The following SLC36A1 variants were observed in gnomAD, a reference collection of about 807,000 sequenced individuals.
The protein encoded by SLC36A1 is solute carrier family 36 member 1.
SLC36A1 carries 30 observed loss-of-function variants against 47.5 expected under a neutral mutation model. The ratio of observed to expected loss-of-function variants is 0.63; its 90% CI spans 0.47 to 0.86. SLC36A1 has a LOEUF of 0.86. SLC36A1 is among the 40% of genes least tolerant of loss of function. The pLI, the probability that SLC36A1 is intolerant of heterozygous loss-of-function variation, is 0.00. For missense variants in SLC36A1, 517 were observed against 606.0 expected, an observed-to-expected ratio of 0.85 and a Z score of 1.54; for synonymous variants, 255 against 249.7, an observed-to-expected ratio of 1.02 and a Z score of -0.20.
At chr5:151,410,870 C>T in the SLC36A1 span, among the ~76,000 whole-genome samples, 1 of 144,660 alleles carries the variant, frequency 6.9e-6, no homozygotes, top group Non-Finnish European at 1.5e-5. Flanking sequence ...CTGTCCTGTG[C>T]ATTGCAGGCT....
chr5:151,505,518 A>C, the SLC36A1 span: 4 of 1,608,162 alleles, frequency 2.5e-6, no homozygotes, highest in Non-Finnish European at 3.4e-6. Context: ...GAAATAAGCC[A>C]AGTCCAGTCC....
chr5:151,537,816 T>C, the SLC36A1 span: 3 of 1,611,724 alleles, frequency 1.9e-6, no homozygotes, highest in South Asian at 3.3e-5. Flanking sequence ...CAGCTTGAAT[T>C]CATGCGCCCC....
chr5:151,457,439 A>G (rs1754729844), intron 1 of SLC36A1, among the ~76,000 whole-genome samples: 1 of 152,090 alleles, frequency 6.6e-6, no homozygotes, highest in South Asian at 2.1e-4. Context: ...TATTAATAGT[A>G]TTCCTGAGTA....
At chr5:151,360,065 A>G in the SLC36A1 span, among the ~76,000 whole-genome samples, 2 of 152,186 alleles carry the variant, frequency 1.3e-5, no homozygotes, top group Non-Finnish European at 2.9e-5. Flanking sequence ...GAATTGTTCC[A>G]TTGTATGTCA....
intron 1 of SLC36A1, among the ~76,000 whole-genome samples, chr5:151,454,156 G>T (rs1754099417): frequency 7.3e-6 from 1 of 136,318 alleles, no homozygotes; most frequent in African/African-American, 2.8e-5. Flanking sequence ...ACTCTTCTGA[G>T]TCTAAATATC....
the SLC36A1 span, among the ~76,000 whole-genome samples, chr5:151,534,970 A>AATATATATATATATATATAT: frequency 0.015 from 1,612 of 106,000 alleles, 65 homozygotes; most frequent in Middle Eastern, 0.023. Context: ...CTTCTAGGAA[A>AATATATATATATATATATAT]ATATATATAT....
chr5:151,461,892 C>T (rs2127479547), intron 2 of SLC36A1, among the ~76,000 whole-genome samples: 1 of 151,104 alleles, frequency 6.6e-6, no homozygotes, highest in African/African-American at 2.4e-5. Flanking sequence ...CTATGAGTAC[C>T]AAAATATGTT....
At chr5:151,425,122 T>C in the SLC36A1 span, among the ~76,000 whole-genome samples, 2 of 152,220 alleles carry the variant, frequency 1.3e-5, no homozygotes, top group African/African-American at 2.4e-5. Flanking sequence ...AGAGTCAACC[T>C]GTTAATGGGG....
chr5:151,554,419 G>A, the SLC36A1 span: 3 of 1,614,134 alleles, frequency 1.9e-6, no homozygotes, highest in African/African-American at 1.3e-5. Context: ...CCACACCTGT[G>A]ACCAGGTCGA....
chr5:151,542,833 A>G, the SLC36A1 span: 21 of 1,614,056 alleles, frequency 1.3e-5, no homozygotes, highest in African/African-American at 9.3e-5. Flanking sequence ...CATCACATCA[A>G]TCTGGTACAA....
At chr5:151,459,523 T>G (rs1347771775) in intron 2 of SLC36A1, among the ~76,000 whole-genome samples, 1 of 152,164 alleles carries the variant, frequency 6.6e-6, no homozygotes, top group Non-Finnish European at 1.5e-5. Context: ...AAAGAAAAAT[T>G]GAGGACTCCA....
chr5:151,525,896 G>C, the SLC36A1 span: 6 of 1,614,066 alleles, frequency 3.7e-6, no homozygotes, highest in Non-Finnish European at 5.1e-6. Context: ...GAGTAGGGGG[G>C]GCCATTCTCT....
rs1451641554 is a variant in SLC36A1 at position 151,489,004 on chromosome 5, AT to A, written c.*752del. The stretch of plus-strand genomic sequence containing the variant: ...TTTAGACTGTCTTAGATCTGGGGCT[AT>A]TACGAATCACTTCTTCTTCAGTAAA... On this transcript the variant is annotated 3_prime_UTR_variant, in exon 11 of 11. Transcript: ENST00000243389. This position sits in a 1 kb window ranked among gnomAD's most constrained non-coding sequence, Gnocchi z 4.5. 6.6e-6 allele frequency: 1 copy of A among 152,202 alleles called. No homozygotes were observed. The highest frequency in any genetic ancestry group is 2.4e-5 in the African/African-American group (1 of 41,424). 9.4% of individuals were successfully genotyped at this position (152,202 alleles called of 1,614,324 possible).
rs1440214030 is a variant in SLC36A1 at position 151,468,301 on chromosome 5, T to TA, written c.723+377dup. ...TATATATATATATATATATTTTATA[T>TA]ATATATATTTACATATATGTGTATA... On this transcript the variant is annotated intron_variant, in intron 7 of 10. Transcript: ENST00000243389. 5.7e-4 allele frequency among the ~76,000 whole-genome samples: 53 copies of TA among 93,390 alleles called. 1 individual carries two copies. The highest frequency in any genetic ancestry group is 8.0e-4 in the Non-Finnish European group (38 of 47,268). The allele number at this position is 93,390 out of a possible 152,430, so 61.3% of individuals were successfully genotyped here.
chr5:151,430,289 C>T, the SLC36A1 span, among the ~76,000 whole-genome samples: 54 of 149,728 alleles, frequency 3.6e-4, no homozygotes, highest in African/African-American at 1.3e-3. Context: ...CTCAGCCTCC[C>T]GAGTAGCTGG....
the SLC36A1 span, among the ~76,000 whole-genome samples, chr5:151,518,902 T>C: frequency 6.6e-6 from 1 of 151,882 alleles, no homozygotes; most frequent in Admixed American, 6.6e-5. Context: ...AAAACCCCAG[T>C]GTAAATAAGC....
chr5:151,506,322 C>T, the SLC36A1 span, among the ~76,000 whole-genome samples: 2 of 152,228 alleles, frequency 1.3e-5, no homozygotes, highest in Non-Finnish European at 2.9e-5. Flanking sequence ...TTGCAAATCC[C>T]TGCCACTAAT....
the SLC36A1 span, chr5:151,554,302 AAAG>A: frequency 1.3e-6 from 2 of 1,501,334 alleles, no homozygotes; most frequent in Non-Finnish European, 1.8e-6. Context: ...CTGAATTCTC[AAAG>A]AAGGCCACTA....
At chr5:151,530,365 G>A in the SLC36A1 span, among the ~76,000 whole-genome samples, 1 of 152,100 alleles carries the variant, frequency 6.6e-6, no homozygotes, top group Non-Finnish European at 1.5e-5. Context: ...ACCTGATCAA[G>A]GCCTTTGATC....
Sources: allele counts gnomAD v4.1 joint callset (sites outside exome capture counted in the v4.1 genomes callset), GRCh38; gene constraint gnomAD v4.1.1; non-coding constraint Gnocchi (gnomAD v3.1); transcripts MANE v1.5; gene names NCBI Gene and HGNC (gene_info 2026-07-23, HGNC 2026-07-21).